Variants in NRDC observed in about 807,000 individuals in gnomAD.
The protein encoded by NRDC is nardilysin.
A neutral mutation model predicts 147.1 loss-of-function variants in NRDC; 54 were observed. The ratio of observed to expected loss-of-function variants is 0.37; its 90% CI spans 0.29 to 0.46. The LOEUF (loss-of-function observed/expected upper bound fraction) is 0.46, where lower values mean the gene tolerates loss of function less well. Ranked by LOEUF, NRDC falls within the 20% of genes least tolerant of loss-of-function variation. NRDC has a pLI of 1.00. For missense variants in NRDC, 1,082 were observed against 1,370.6 expected, an observed-to-expected ratio of 0.79 and a Z score of 3.33; for synonymous variants, 440 against 482.1, an observed-to-expected ratio of 0.91 and a Z score of 1.14.
At chr1:51,790,674 C>T (rs1678581355) in intron 28 of NRDC, 25 bp from the exon 29 acceptor site, 3 of 1,525,136 alleles carry the variant, frequency 2.0e-6, no homozygotes, top group African/African-American at 2.7e-5. Context: ...AAGAAAGATG[C>T]TCAGGTGAGG....
At chr1:51,829,208 C>A (rs1680591275) in intron 4 of NRDC, among the ~76,000 whole-genome samples, 1 of 152,174 alleles carries the variant, frequency 6.6e-6, no homozygotes, top group Admixed American at 6.5e-5. Flanking sequence ...AGGCTACAGG[C>A]ATGTACCATC....
intron 14 of NRDC, 85 bp from the exon 15 acceptor site, chr1:51,812,183 C>G: frequency 1.0e-6 from 1 of 965,778 alleles, no homozygotes; most frequent in South Asian, 1.4e-5. Flanking sequence ...TTCTCCCTTT[C>G]TTATTAACAA....
chr1:51,853,478 G>T (rs2124015286), intron 1 of NRDC, among the ~76,000 whole-genome samples: 1 of 152,280 alleles, frequency 6.6e-6, no homozygotes, highest in Middle Eastern at 3.4e-3. Context: ...CTCACTTTGG[G>T]ATCCACAAAT....
chr1:51,834,309 T>C (rs1680845053), intron 3 of NRDC, 139 bp from the exon 4 acceptor site: 1 of 937,050 alleles, frequency 1.1e-6, no homozygotes, highest in Admixed American at 2.4e-5. Flanking sequence ...ATTCTTTTTT[T>C]TTTCTTTGAG....
In NRDC at chr1:51,814,447, C is replaced by G. The variant is rs1251183712; in HGVS notation, c.1619+104G>C. The G allele has an allele frequency of 1.5e-5, 16 of 1,089,732 alleles. No homozygotes were observed. The Admixed American group carries it at 3.5e-4, about 24-fold the overall frequency. 67.5% of individuals were successfully genotyped at this position (1,089,732 alleles called of 1,614,324 possible). A position where few individuals can be genotyped will look rare whatever the true frequency, so the allele number is the denominator to read the frequency against. On this transcript the variant is annotated intron_variant, in intron 13 of 30. Coordinates refer to ENST00000352171, the MANE Select transcript of NRDC (RefSeq NM_001101662.2). ...AATAAAGGAAATAGAGCAGAAAATG[C>G]CTGAAAAACCATCAAGGCAAGACTA...
intron 1 of NRDC, chr1:51,877,978 C>T: frequency 8.0e-7 from 1 of 1,249,336 alleles, no homozygotes; most frequent in Non-Finnish European, 1.0e-6. Flanking sequence ...CCAAGACTCC[C>T]TCACCATTCA....
chr1:51,844,620 G>A lies in NRDC; in HGVS notation c.342-4106C>T, dbSNP rs149845207. On this transcript the variant is annotated intron_variant, in intron 1 of 30. Transcript: ENST00000352171. ...TAGCCAGGCATGGCGGCGCGTGCCT[G>A]TAGTCTGTCTCAGCTACTCGGGAGG... 1.2e-3 allele frequency among the ~76,000 whole-genome samples: 186 copies of A among 151,872 alleles called. 5 individuals are homozygous for A. In the East Asian group the frequency reaches 0.027, roughly 22 times the overall value.
rs138350843 is a variant in NRDC, at chr1:51,843,606, T to C, written c.342-3092A>G. Among the ~76,000 whole-genome samples the C allele has an allele frequency of 3.3e-4, 51 of 152,352 alleles. No individual in the cohort carries two copies. The East Asian group carries it at 9.4e-3, about 28-fold the overall frequency. On this transcript the variant is annotated intron_variant, in intron 1 of 30. Transcript: ENST00000352171. ...GTATCTCCCATGTATTTATGAATTA[T>C]ACATGTTAACAAACTTATATTTGTT...
At chr1:51,837,346 G>T in intron 2 of NRDC, 1 of 737,724 alleles carries the variant, frequency 1.4e-6, no homozygotes, top group Non-Finnish European at 2.0e-6. Context: ...TGTGTTTTCA[G>T]AAGAACCAAA....
chr1:51,823,940 T>C (rs922491008), intron 6 of NRDC, among the ~76,000 whole-genome samples, 154 bp from the exon 7 acceptor site: 1 of 152,040 alleles, frequency 6.6e-6, no homozygotes, highest in African/African-American at 2.4e-5. Context: ...TGTATTAATA[T>C]TAATAAGACA....
intron 1 of NRDC, among the ~76,000 whole-genome samples, chr1:51,869,188 G>A (rs903927200): frequency 3.3e-5 from 5 of 152,032 alleles, no homozygotes; most frequent in African/African-American, 1.2e-4. Context: ...GATCTCCAGC[G>A]ATCCTCCTGC....
chr1:51,790,897 C>T lies in NRDC; in HGVS notation c.3051+3G>A. The T allele has an allele frequency of 6.2e-7, 1 of 1,611,336 alleles. No homozygotes were observed. Among genetic ancestry groups the T allele is most frequent in the East Asian group, 2.2e-5 (1 of 44,838 alleles). On this transcript the variant is annotated splice_donor_region_variant and intron_variant, in intron 28 of 30. Transcript: ENST00000352171. Reference sequence around the variant, plus strand: ...GGCCAAAAGACCAGGCTGGCACAGTCACCTGGGTGTTGAATGCCTCTTCAG... The same window carrying T: ...GGCCAAAAGACCAGGCTGGCACAGTTACCTGGGTGTTGAATGCCTCTTCAG...
intron 4 of NRDC, among the ~76,000 whole-genome samples, chr1:51,832,842 G>A (rs1010905977): frequency 6.6e-6 from 1 of 152,104 alleles, no homozygotes; most frequent in African/African-American, 2.4e-5. Context: ...CAGAGATCAG[G>A]ATAATCATCA....
intron 2 of NRDC, among the ~76,000 whole-genome samples, chr1:51,839,160 CTTTTTT>C (rs5774110): frequency 1.5e-5 from 2 of 133,788 alleles, no homozygotes; most frequent in African/African-American, 2.8e-5. Context: ...TTTTCTTTTT[CTTTTTT>C]TTTTTTTTTT....
rs943635645 is a variant in NRDC at position 51,878,725 on chromosome 1, C to T, written c.-110G>A. ...TGCTGCCGCAGCCGCGGGGAACAGG[C>T]CTGAACCCCTCCCCCAACCCAGTCT... On this transcript the variant is annotated 5_prime_UTR_variant, in exon 1 of 31. Transcript: ENST00000352171. 1.1e-5 allele frequency: 10 copies of T among 919,760 alleles called. No individual in the cohort carries two copies. The highest frequency in any genetic ancestry group is 1.6e-5 in the Non-Finnish European group (10 of 616,208). 57.0% of individuals were successfully genotyped at this position (919,760 alleles called of 1,614,324 possible).
At chr1:51,850,248 T>C (rs1681882644) in intron 1 of NRDC, among the ~76,000 whole-genome samples, 1 of 152,120 alleles carries the variant, frequency 6.6e-6, no homozygotes, top group Non-Finnish European at 1.5e-5. Flanking sequence ...GCTGAAGTAC[T>C]AACAGGAACA....
chr1:51,821,297 A>T lies in NRDC; in HGVS notation c.1217+201T>A, dbSNP rs116332468. 7.8e-3 allele frequency among the ~76,000 whole-genome samples: 1,185 copies of T among 152,240 alleles called. 15 individuals carry two copies. Among genetic ancestry groups the T allele is most frequent in the African/African-American group, 0.027 (1,141 of 41,552 alleles). On this transcript the variant is annotated intron_variant, in intron 8 of 30. Coordinates refer to ENST00000352171, the MANE Select transcript of NRDC (RefSeq NM_001101662.2). ...TACTATATACATTTACAAGCCTGTAAATTTTGAACTATGGAAACTTGGCTT... is the reference window on the plus strand; with the variant it reads ...TACTATATACATTTACAAGCCTGTATATTTTGAACTATGGAAACTTGGCTT...
chr1:51,825,322 G>A lies in NRDC; in HGVS notation c.1001C>T (p.Ala334Val). 6.2e-7 allele frequency: 1 copy of A among 1,600,618 alleles called. No individual in the cohort carries two copies. Among genetic ancestry groups the A allele is most frequent in the African/African-American group, 1.4e-5 (1 of 74,028 alleles). The change falls in exon 6 of 31, where the codon GCT (alanine) becomes GTT (valine). Residue 334 changes from alanine (A) to valine (V), a missense_variant. This residue lies in a region of NRDC where 635 missense variants were observed against 923.8 expected (regional missense o/e 0.69). Coordinates refer to ENST00000352171, the MANE Select transcript of NRDC (RefSeq NM_001101662.2). ...NRKEMLFGSLARPGHPMGKFF... is the reference protein window; with the variant it reads ...NRKEMLFGSLVRPGHPMGKFF... ...TTTTCCCATAGGATGTCCAGGTCTA[G>A]CAAGGCTTCCAAACAACATTTCCTT...
chr1:51,846,669 G>C (rs150826951), intron 1 of NRDC, among the ~76,000 whole-genome samples: 1 of 152,188 alleles, frequency 6.6e-6, no homozygotes, highest in African/African-American at 2.4e-5. Flanking sequence ...GCTCATAAAG[G>C]TAGTGAGAAC....
Sources: gnomAD v4.1 joint callset for allele counts (sites outside exome capture counted in the v4.1 genomes callset) on GRCh38, gnomAD v4.1.1 for gene constraint, gnomAD v4.1.1 regional missense constraint, MANE v1.5 for transcripts, NCBI Gene and HGNC (gene_info 2026-07-23, HGNC 2026-07-21) for gene names.